The following PRELID2 variants were observed in gnomAD, a reference collection of about 807,000 sequenced individuals.
PRELID2 encodes the protein PRELI domain-containing protein 2.
A neutral mutation model predicts 28.4 loss-of-function variants in PRELID2; 25 were observed. That is an observed-to-expected ratio of 0.88 (90% CI 0.64 to 1.23). The LOEUF (loss-of-function observed/expected upper bound fraction) is 1.23. PRELID2 is among the 50% of genes most tolerant of loss of function. PRELID2 has a pLI of 0.00. For synonymous variants in PRELID2, 76 were observed against 71.6 expected (o/e 1.06, Z -0.31); for missense variants, 201 against 214.4 (o/e 0.94, Z 0.39).
At chr5:145,331,262 T>C in the PRELID2 span, among the ~76,000 whole-genome samples, 1 of 152,116 alleles carries the variant, frequency 6.6e-6, no homozygotes, top group South Asian at 2.1e-4. Flanking sequence ...TGATTTGGGG[T>C]GGAGAGTTCT....
intron 1 of PRELID2, among the ~76,000 whole-genome samples, chr5:145,718,396 T>G (rs1179645785): frequency 6.6e-6 from 1 of 151,864 alleles, no homozygotes; most frequent in Non-Finnish European, 1.5e-5. Context: ...TCCTAAAATC[T>G]AATAAAGAAT....
the PRELID2 span, among the ~76,000 whole-genome samples, chr5:145,403,907 C>T: frequency 1.3e-5 from 2 of 152,144 alleles, no homozygotes; most frequent in Non-Finnish European, 2.9e-5. Context: ...AATGTTAGCT[C>T]GCAGGAAAGT....
At chr5:145,744,307 C>G (rs577357577) in intron 1 of PRELID2, among the ~76,000 whole-genome samples, 5 of 152,182 alleles carry the variant, frequency 3.3e-5, no homozygotes, top group African/African-American at 1.2e-4. Flanking sequence ...GCAGACCAGA[C>G]GAGGGGTTTC....
At chr5:145,310,722 G>A in the PRELID2 span, among the ~76,000 whole-genome samples, 1 of 152,006 alleles carries the variant, frequency 6.6e-6, no homozygotes, top group African/African-American at 2.4e-5. Flanking sequence ...CTCTTAGAAG[G>A]TTTTCCACAG....
chr5:145,583,140 T>C (rs1753122228), intron 1 of PRELID2, among the ~76,000 whole-genome samples: 1 of 152,084 alleles, frequency 6.6e-6, no homozygotes, highest in South Asian at 2.1e-4. Flanking sequence ...CTTCAACATA[T>C]ATAAACCAAT....
At chr5:145,442,214 A>C in the PRELID2 span, among the ~76,000 whole-genome samples, 9 of 152,218 alleles carry the variant, frequency 5.9e-5, no homozygotes, top group South Asian at 1.9e-3. Flanking sequence ...AACACAAACA[A>C]ATGATGATGA....
intron 4 of PRELID2, among the ~76,000 whole-genome samples, chr5:145,810,408 AT>A (rs1206207620): frequency 2.0e-5 from 3 of 152,192 alleles, no homozygotes; most frequent in Non-Finnish European, 2.9e-5. Context: ...ATGTGAGCAG[AT>A]TCAGTCCATG....
chr5:145,336,760 C>T, the PRELID2 span, among the ~76,000 whole-genome samples: 2 of 152,046 alleles, frequency 1.3e-5, no homozygotes, highest in Admixed American at 6.6e-5. Context: ...GGCACATATA[C>T]ACCATGGAAT....
intron 1 of PRELID2, among the ~76,000 whole-genome samples, chr5:145,542,749 A>ATTTCTTTCTTTCTTTCTTTCTTTCTTTC (rs5871930): frequency 3.2e-4 from 46 of 145,308 alleles, no homozygotes; most frequent in Non-Finnish European, 5.7e-4. Flanking sequence ...ATACATTGTA[A>ATTTCTTTCTTTCTTTCTTTCTTTCTTTC]TTTCTTTCTT....
chr5:145,414,164 G>A, the PRELID2 span, among the ~76,000 whole-genome samples: 1 of 152,068 alleles, frequency 6.6e-6, no homozygotes, highest in Admixed American at 6.6e-5. Flanking sequence ...TCCCTAGTTG[G>A]TCAAGCAACC....
intron 1 of PRELID2, among the ~76,000 whole-genome samples, chr5:145,495,253 C>T (rs2126629556): frequency 6.6e-6 from 1 of 152,320 alleles, no homozygotes; most frequent in South Asian, 2.1e-4. Context: ...GCCCCTGCCT[C>T]TTCCGGCAGG....
At chr5:145,363,106 A>G in the PRELID2 span, among the ~76,000 whole-genome samples, 1 of 148,208 alleles carries the variant, frequency 6.7e-6, no homozygotes, top group African/African-American at 2.5e-5. Flanking sequence ...GCCACATATC[A>G]TGGCTATAAG....
the PRELID2 span, among the ~76,000 whole-genome samples, chr5:145,451,738 C>T: frequency 1.3e-5 from 2 of 152,130 alleles, no homozygotes; most frequent in African/African-American, 4.8e-5. Flanking sequence ...TGACAGCTGC[C>T]TGCATAATAT....
At chr5:145,330,091 G>A in the PRELID2 span, among the ~76,000 whole-genome samples, 7 of 152,248 alleles carry the variant, frequency 4.6e-5, no homozygotes, top group Admixed American at 1.3e-4. Context: ...ATTTGTGTAC[G>A]TTGAACCAGC....
intron 1 of PRELID2, among the ~76,000 whole-genome samples, chr5:145,622,623 G>A (rs1026072506): frequency 6.6e-6 from 1 of 152,130 alleles, no homozygotes; most frequent in Non-Finnish European, 1.5e-5. Flanking sequence ...GGGATCATTG[G>A]AGTTAAAGTA....
the PRELID2 span, among the ~76,000 whole-genome samples, chr5:145,421,450 G>A: frequency 6.7e-6 from 1 of 150,144 alleles, no homozygotes; most frequent in African/African-American, 2.4e-5. Flanking sequence ...CTTCTTCCTG[G>A]TTTAGTCTTG....
the PRELID2 span, among the ~76,000 whole-genome samples, chr5:145,460,633 C>G: frequency 6.6e-6 from 1 of 152,156 alleles, no homozygotes; most frequent in African/African-American, 2.4e-5. Flanking sequence ...CTGTGCTATA[C>G]TTCTTTAATC....
At chr5:145,531,355 G>A (rs546421015) in intron 1 of PRELID2, among the ~76,000 whole-genome samples, 34 of 152,166 alleles carry the variant, frequency 2.2e-4, no homozygotes, top group Non-Finnish European at 4.4e-4. Flanking sequence ...GTTTTGACAA[G>A]TGAGAGGTAA....
chr5:145,290,328 C>T, the PRELID2 span, among the ~76,000 whole-genome samples: 1 of 152,036 alleles, frequency 6.6e-6, no homozygotes, highest in Non-Finnish European at 1.5e-5. Flanking sequence ...CTATTCACAG[C>T]AGCAAAGACT....
Sources: allele counts gnomAD v4.1 joint callset (sites outside exome capture counted in the v4.1 genomes callset), GRCh38; gene constraint gnomAD v4.1.1; transcripts MANE v1.5; gene names NCBI Gene and HGNC (gene_info 2026-07-23, HGNC 2026-07-21).